RAB3GAP1: variants seen among roughly 807,000 people sequenced by gnomAD.
The protein encoded by RAB3GAP1 is rab3 GTPase-activating protein catalytic subunit.
A neutral mutation model predicts 130.7 loss-of-function variants in RAB3GAP1; 86 were observed. The observed-to-expected ratio is 0.66, with a 90% CI of 0.55 to 0.79. The LOEUF is 0.79. RAB3GAP1 is among the 30% of genes least tolerant of loss of function. The pLI, the probability that RAB3GAP1 is intolerant of heterozygous loss-of-function variation, is 0.00. For missense variants in RAB3GAP1, 1,029 were observed against 1,169.4 expected (o/e 0.88, Z 1.75); for synonymous variants, 367 against 401.7 (o/e 0.91, Z 1.03).
At chr2:135,085,351 C>T (rs1689944187) in intron 3 of RAB3GAP1, among the ~76,000 whole-genome samples, 1 of 151,934 alleles carries the variant, frequency 6.6e-6, no homozygotes, top group African/African-American at 2.4e-5. Flanking sequence ...TGATAGAGGT[C>T]ACTGTTACAG....
rs973035221 is a variant in RAB3GAP1 at position 135,136,797 on chromosome 2, A to G, written c.1923+865A>G. 4 of 846,038 alleles carry G rather than the reference A, an allele frequency of 4.7e-6. No individual in the cohort carries two copies. The African/African-American group carries it at 7.1e-5, about 15-fold the overall frequency. The allele number at this position is 846,038 out of a possible 1,614,324, so 52.4% of individuals were successfully genotyped here. A position where few individuals can be genotyped will look rare whatever the true frequency, so the allele number is the denominator to read the frequency against. ...TTAACTGATGGGAATATTGATAGCC[A>G]TAAAGGTTGGTCCCAGACCAGGCAC... On this transcript the variant is annotated intron_variant, in intron 17 of 23. Transcript: ENST00000264158.
At chr2:135,130,204 T>C (rs1691491559) in intron 12 of RAB3GAP1, 117 bp downstream of exon 12, 1 of 863,096 alleles carries the variant, frequency 1.2e-6, no homozygotes, top group African/African-American at 1.7e-5. Flanking sequence ...TAATCAAGTT[T>C]TGATGGACTA....
rs756529405 is a variant in RAB3GAP1 at position 135,164,640 on chromosome 2, G to A, written c.2653G>A (p.Ala885Thr). 5.0e-6 allele frequency: 8 copies of A among 1,613,570 alleles called. No individual in the cohort carries two copies. The highest frequency in any genetic ancestry group is 6.8e-6 in the Non-Finnish European group (8 of 1,179,692). ...LEQPEVLVTG[A>T]GRGHAGRIIH... is the part of the protein sequence containing the mutation. Reference sequence around the variant, plus strand: ...GCAGCCTGAAGTGTTAGTCACCGGTGCAGGAAGAGGACATGCTGGCAGGAT... The same window carrying A: ...GCAGCCTGAAGTGTTAGTCACCGGTACAGGAAGAGGACATGCTGGCAGGAT... Residue 885 changes from alanine to threonine, a missense_variant, in exon 23 of 24, where the codon GCA (alanine) becomes ACA (threonine). Ala to Thr is a moderately conservative substitution (Grantham distance 58). Coordinates refer to ENST00000264158, the MANE Select transcript of RAB3GAP1 (RefSeq NM_012233.3).
intron 3 of RAB3GAP1, among the ~76,000 whole-genome samples, chr2:135,072,108 A>G (rs1459056062): frequency 6.6e-6 from 1 of 152,052 alleles, no homozygotes; most frequent in Non-Finnish European, 1.5e-5. Context: ...ACGAGGTTTC[A>G]CTGTGTTGAC....
At chr2:135,062,669 A>AT (rs1249767767) in intron 3 of RAB3GAP1, among the ~76,000 whole-genome samples, 1 of 152,234 alleles carries the variant, frequency 6.6e-6, no homozygotes, top group Non-Finnish European at 1.5e-5. Flanking sequence ...AACATGGCAC[A>AT]TCTCTCCATT....
intron 3 of RAB3GAP1, among the ~76,000 whole-genome samples, chr2:135,090,722 T>A (rs972654135): frequency 1.3e-5 from 2 of 152,180 alleles, no homozygotes; most frequent in Non-Finnish European, 2.9e-5. Flanking sequence ...TAGTGATGTG[T>A]TCATGATTTT....
At chr2:135,107,934 C>T (rs1574116223) in intron 5 of RAB3GAP1, among the ~76,000 whole-genome samples, 1 of 130,292 alleles carries the variant, frequency 7.7e-6, no homozygotes, top group East Asian at 2.3e-4. Context: ...GACATTGTGC[C>T]ATTGCACTCC....
chr2:135,070,556 G>A (rs1574082079), intron 3 of RAB3GAP1, among the ~76,000 whole-genome samples: 2 of 152,256 alleles, frequency 1.3e-5, no homozygotes. Flanking sequence ...TCAGCCAGCT[G>A]GAGTGCAGTG....
At chr2:135,162,303 T>C in intron 19 of RAB3GAP1, 1 of 442,640 alleles carries the variant, frequency 2.3e-6, no homozygotes, top group South Asian at 2.9e-5. Flanking sequence ...GTTTTTATTT[T>C]CTTTGTATTT....
intron 19 of RAB3GAP1, among the ~76,000 whole-genome samples, chr2:135,157,844 A>AC (rs1243749911): frequency 5.3e-5 from 8 of 151,180 alleles, no homozygotes; most frequent in Non-Finnish European, 1.0e-4. Context: ...AAAAAAAAAA[A>AC]AAAAACAAAA....
At chr2:135,101,839 C>G (rs1690459132) in intron 5 of RAB3GAP1, among the ~76,000 whole-genome samples, 1 of 151,682 alleles carries the variant, frequency 6.6e-6, no homozygotes, top group Admixed American at 6.6e-5. Context: ...TTTCCTGAAA[C>G]CATCATTACA....
chr2:135,089,833 G>A (rs1690093277), intron 3 of RAB3GAP1: 1 of 403,824 alleles, frequency 2.5e-6, no homozygotes, highest in Non-Finnish European at 5.0e-6. Context: ...TCTTAACACG[G>A]GAACAGAAAA....
intron 8 of RAB3GAP1, among the ~76,000 whole-genome samples, chr2:135,121,135 C>T (rs1691187140): frequency 6.6e-6 from 1 of 152,044 alleles, no homozygotes; most frequent in African/African-American, 2.4e-5. Context: ...CTATATTTGA[C>T]AATCTGTCTT....
At chr2:135,083,024 G>A (rs1162616810) in intron 3 of RAB3GAP1, among the ~76,000 whole-genome samples, 1 of 151,642 alleles carries the variant, frequency 6.6e-6, no homozygotes, top group East Asian at 1.9e-4. Flanking sequence ...TGTATAAATA[G>A]TAGGTATACT....
intron 5 of RAB3GAP1, among the ~76,000 whole-genome samples, chr2:135,112,662 G>C (rs1292883707): frequency 2.0e-5 from 3 of 152,086 alleles, no homozygotes. Flanking sequence ...TTGTTTTAAG[G>C]AATCAGCTGT....
chr2:135,082,073 C>T (rs1423196791), intron 3 of RAB3GAP1, among the ~76,000 whole-genome samples: 1 of 151,700 alleles, frequency 6.6e-6, no homozygotes, highest in Non-Finnish European at 1.5e-5. Context: ...ACCCAGGAGG[C>T]GGAGGTTGCA....
chr2:135,154,845 C>T (rs1028298383), intron 19 of RAB3GAP1, among the ~76,000 whole-genome samples: 21 of 151,918 alleles, frequency 1.4e-4, no homozygotes, highest in Non-Finnish European at 2.2e-4. Flanking sequence ...AAGGATCTTG[C>T]GGAAATGAAA....
chr2:135,128,042 G>A (rs1424925873), intron 11 of RAB3GAP1, among the ~76,000 whole-genome samples: 1 of 152,136 alleles, frequency 6.6e-6, no homozygotes, highest in African/African-American at 2.4e-5. Flanking sequence ...AACTGATGGA[G>A]TTACCAAAGA....
chr2:135,052,705 G>C (rs1688914866), intron 2 of RAB3GAP1, among the ~76,000 whole-genome samples: 1 of 152,178 alleles, frequency 6.6e-6, no homozygotes, highest in Admixed American at 6.5e-5. Flanking sequence ...AATCCCTGAG[G>C]CTCAGGCTCT....
Sources: gnomAD v4.1 joint callset for allele counts (sites outside exome capture counted in the v4.1 genomes callset) on GRCh38, gnomAD v4.1.1 for gene constraint, MANE v1.5 for transcripts, NCBI Gene and HGNC (gene_info 2026-07-23, HGNC 2026-07-21) for gene names.